CFLAR: variants seen among roughly 807,000 people sequenced by gnomAD.
CFLAR encodes CASP8 and FADD-like apoptosis regulator.
In CFLAR, 14 loss-of-function variants were observed where a neutral mutation model predicts 51.1. The observed-to-expected ratio is 0.27, with a 90% CI of 0.18 to 0.43. CFLAR has a LOEUF of 0.43. Among genes scored for constraint, CFLAR ranks in the 20% least tolerant of loss-of-function variants. The pLI, the probability that CFLAR is intolerant of heterozygous loss-of-function variation, is 1.00. For synonymous variants in CFLAR, 210 were observed against 211.6 expected, an observed-to-expected ratio of 0.99 and a Z score of 0.06; for missense variants, 390 against 566.5, an observed-to-expected ratio of 0.69 and a Z score of 3.16.
In CFLAR at chr2:201,164,697, G is replaced by A. The variant is rs554935283; in HGVS notation, c.*724G>A. 36 of 152,256 alleles carry A rather than the reference G, an allele frequency of 2.4e-4. No individual in the cohort carries two copies. The highest frequency in any genetic ancestry group is 8.2e-4 in the African/African-American group (34 of 41,544). The allele number at this position is 152,256 out of a possible 1,614,324, so 9.4% of individuals were successfully genotyped here. A position where few individuals can be genotyped will look rare whatever the true frequency, so the allele number is the denominator to read the frequency against. ...TGGCAGCACCCTCACAGATGTACCC[G>A]GGAACACTTTGCATCCTTCTATTCA... On this transcript the variant is annotated 3_prime_UTR_variant, in exon 10 of 10. Transcript: ENST00000309955.
chr2:201,131,546 C>T (rs536512465), intron 2 of CFLAR, among the ~76,000 whole-genome samples: 128 of 152,134 alleles, frequency 8.4e-4, no homozygotes, highest in Non-Finnish European at 7.4e-5. Context: ...GGTGTTTTTT[C>T]TCTCGACCAC....
rs548396496 is a variant in CFLAR at position 201,144,071 on chromosome 2, A to G, written c.607-1307A>G. On this transcript the variant is annotated intron_variant, in intron 5 of 9. Transcript: ENST00000309955. ...AAAGCGAATACACATGCATGCGGCC[A>G]ATTTCTATCTGATATGATCAGCCTC... 2.6e-5 allele frequency: 4 copies of G among 152,360 alleles called. No individual in the cohort carries two copies. The East Asian group carries it at 5.8e-4, about 22-fold the overall frequency. The allele number at this position is 152,360 out of a possible 1,614,324, so 9.4% of individuals were successfully genotyped here.
intron 3 of CFLAR, among the ~76,000 whole-genome samples, chr2:201,134,995 GATT>G (rs973242800): frequency 6.6e-6 from 1 of 152,124 alleles, no homozygotes; most frequent in Non-Finnish European, 1.5e-5. Flanking sequence ...TCTAAATTAT[GATT>G]ATTATTTTCA....
intron 6 of CFLAR, chr2:201,146,549 C>G (rs576505222): frequency 6.6e-6 from 1 of 152,206 alleles, no homozygotes; most frequent in African/African-American, 2.4e-5. Flanking sequence ...CCCAAAGTGC[C>G]GGGATTACAG....
intron 1 of CFLAR, among the ~76,000 whole-genome samples, chr2:201,117,772 T>TTTTA (rs2047758564): frequency 1.3e-5 from 2 of 149,574 alleles, no homozygotes; most frequent in African/African-American, 5.0e-5. Context: ...TTTTTTTTTT[T>TTTTA]GAGACAGCAT....
chr2:201,139,343 G>A (rs965848159), intron 4 of CFLAR: 1 of 230,722 alleles, frequency 4.3e-6, no homozygotes, highest in African/African-American at 2.3e-5. Context: ...ATTGTCCAAG[G>A]TTTCTCCCCA....
At chr2:201,143,451 A>G (rs1424352040) in intron 5 of CFLAR, 1 of 152,128 alleles carries the variant, frequency 6.6e-6, no homozygotes, top group Non-Finnish European at 1.5e-5. Flanking sequence ...CAGTTTGGGC[A>G]ACAAGAGTGG....
Position 201,169,289 on chromosome 2 carries a change from G to C in CFLAR, c.*5316G>C, listed in dbSNP as rs1224491078. ...ACATAGACCAATGGAACAGAATAGA[G>C]ACCAGAGAAAGAAGACCACACATCT... is the stretch of plus-strand genomic sequence containing the variant. On this transcript the variant is annotated 3_prime_UTR_variant, in exon 10 of 10. Transcript: ENST00000309955. The C allele has an allele frequency of 1.3e-5, 2 of 152,128 alleles. No individual in the cohort carries two copies. Among genetic ancestry groups the C allele is most frequent in the Non-Finnish European group, 2.9e-5 (2 of 68,026 alleles). The allele number at this position is 152,128 out of a possible 1,614,324, so 9.4% of individuals were successfully genotyped here.
At chr2:201,132,350 A>G (rs1202620779) in intron 2 of CFLAR, among the ~76,000 whole-genome samples, 1 of 151,850 alleles carries the variant, frequency 6.6e-6, no homozygotes, top group Non-Finnish European at 1.5e-5. Flanking sequence ...CATGGTAACA[A>G]TACTAACCAC....
rs201662663 is a variant in CFLAR, at chr2:201,163,859, C to T, written c.1329C>T (p.His443=). 294 of 1,613,064 alleles carry T rather than the reference C, an allele frequency of 1.8e-4. No individual in the cohort carries two copies. In the South Asian group the frequency reaches 3.1e-3, roughly 17 times the overall value. Residue 443 remains histidine, a synonymous_variant, in exon 10 of 10, where the codon CAC becomes CAT. Transcript: ENST00000309955. ...GAAAACGCCCACTCCTGGATCTTCA[C>T]ATTGAACTCAATGGCTACATGTATG... ...QERKRPLLDL[H]IELNGYMYDW...
In CFLAR at chr2:201,164,718, A is replaced by T. The variant is rs953027210; in HGVS notation, c.*745A>T. The T allele has an allele frequency of 5.3e-5, 8 of 152,200 alleles. No homozygotes were observed. Among genetic ancestry groups the T allele is most frequent in the Non-Finnish European group, 1.0e-4 (7 of 68,046 alleles). The allele number at this position is 152,200 out of a possible 1,614,324, so 9.4% of individuals were successfully genotyped here. A position where few individuals can be genotyped will look rare whatever the true frequency, so the allele number is the denominator to read the frequency against. On this transcript the variant is annotated 3_prime_UTR_variant, in exon 10 of 10. Coordinates refer to ENST00000309955, the MANE Select transcript of CFLAR (RefSeq NM_003879.7). ...ACCCGGGAACACTTTGCATCCTTCT[A>T]TTCAATCAAGTTGATACTCAGTATT...
chr2:201,135,187 C>G (rs1453000536), intron 3 of CFLAR, among the ~76,000 whole-genome samples: 2 of 152,188 alleles, frequency 1.3e-5, no homozygotes, highest in East Asian at 3.8e-4. Context: ...GTCAGAACGT[C>G]AGAATGAGTT....
intron 5 of CFLAR, 174 bp downstream of exon 5, chr2:201,140,613 C>G: frequency 1.8e-6 from 1 of 550,536 alleles, no homozygotes; most frequent in Non-Finnish European, 3.2e-6. Context: ...AATACATGTT[C>G]ATTGAGATAT....
intron 1 of CFLAR, among the ~76,000 whole-genome samples, chr2:201,121,299 C>T (rs1028264801): frequency 6.6e-6 from 1 of 152,188 alleles, no homozygotes; most frequent in Non-Finnish European, 1.5e-5. Flanking sequence ...CAAAGCTATA[C>T]CCCCAGAGGA....
At position 201,135,368 on chromosome 2, in the gene CFLAR, T is replaced by C. The variant is rs112042253; in HGVS notation, c.388-604T>C. 9.1e-3 allele frequency among the ~76,000 whole-genome samples: 1,379 copies of C among 152,294 alleles called. 28 individuals are homozygous for C. The highest frequency in any genetic ancestry group is 0.031 in the African/African-American group (1,304 of 41,550). ...TTGGAAAATAATAAACTTAGGAGGATTGTCTTTTCAGCCCTGCTCTTTCAC... is the reference window on the plus strand; with the variant it reads ...TTGGAAAATAATAAACTTAGGAGGACTGTCTTTTCAGCCCTGCTCTTTCAC... On this transcript the variant is annotated intron_variant, in intron 3 of 9. Coordinates refer to ENST00000309955, the MANE Select transcript of CFLAR (RefSeq NM_003879.7).
At position 201,137,274 on chromosome 2, in the gene CFLAR, C is replaced by T. The variant is rs371177436; in HGVS notation, c.523+1167C>T. The T allele has an allele frequency of 2.8e-3, 671 of 240,218 alleles. 25 individuals carry two copies. In the South Asian group the frequency reaches 0.033, roughly 12 times the overall value. The allele number at this position is 240,218 out of a possible 1,614,324, so 14.9% of individuals were successfully genotyped here. A position where few individuals can be genotyped will look rare whatever the true frequency, so the allele number is the denominator to read the frequency against. ...GAGGCAGGCACAGGGCCTGAGAGCCCAGCTGCCTGGGTTCAGGGGGGCTCC... is the reference window on the plus strand; with the variant it reads ...GAGGCAGGCACAGGGCCTGAGAGCCTAGCTGCCTGGGTTCAGGGGGGCTCC... On this transcript the variant is annotated intron_variant, in intron 4 of 9. Coordinates refer to ENST00000309955, the MANE Select transcript of CFLAR (RefSeq NM_003879.7).
In CFLAR at chr2:201,172,536, C is replaced by G. The variant is rs564728721; in HGVS notation, c.*8563C>G. 1 of 152,318 alleles carries G rather than the reference C, an allele frequency of 6.6e-6. No homozygotes were observed. Among genetic ancestry groups the G allele is most frequent in the African/African-American group, 2.4e-5 (1 of 41,572 alleles). The allele number at this position is 152,318 out of a possible 1,614,324, so 9.4% of individuals were successfully genotyped here. A position where few individuals can be genotyped will look rare whatever the true frequency, so the allele number is the denominator to read the frequency against. ...CTAATTCCAGAACATTTCCATCTAC[C>G]TAGAAACTCCATACCAGTGAGCTGC... On this transcript the variant is annotated 3_prime_UTR_variant, in exon 10 of 10. Transcript: ENST00000309955.
intron 4 of CFLAR, 80 bp from the exon 5 acceptor site, chr2:201,140,277 C>T: frequency 1.3e-6 from 2 of 1,550,496 alleles, no homozygotes; most frequent in Non-Finnish European, 1.8e-6. Flanking sequence ...GGTGATTGAC[C>T]TTGGACTGAA....
chr2:201,138,386 G>A lies in CFLAR; in HGVS notation c.524-1971G>A, dbSNP rs1364105082. ...AGGGTAGTCTCGGTTCTTCAGCGCG[G>A]TGCAGGTGATAATGGCCACCAGCTC... On this transcript the variant is annotated intron_variant, in intron 4 of 9. Transcript: ENST00000309955. The surrounding 1 kb of genome is among the most constrained non-coding windows in gnomAD (Gnocchi z 4.0). The A allele has an allele frequency of 9.0e-6, 7 of 776,078 alleles. No individual in the cohort carries two copies. 48.1% of individuals were successfully genotyped at this position (776,078 alleles called of 1,614,324 possible).
Sources: allele counts gnomAD v4.1 joint callset (sites outside exome capture counted in the v4.1 genomes callset), GRCh38; gene constraint gnomAD v4.1.1; non-coding constraint Gnocchi (gnomAD v3.1); transcripts MANE v1.5; gene names NCBI Gene and HGNC (gene_info 2026-07-23, HGNC 2026-07-21).